The following SLC6A15 variants were observed in gnomAD, a reference collection of about 807,000 sequenced individuals.
SLC6A15 encodes solute carrier family 6 member 15.
A neutral mutation model predicts 68.5 loss-of-function variants in SLC6A15; 33 were observed. The ratio of observed to expected loss-of-function variants is 0.48; its 90% confidence interval spans 0.37 to 0.64. The LOEUF (loss-of-function observed/expected upper bound fraction) is 0.64, where lower values mean the gene tolerates loss of function less well. Among genes scored for constraint, SLC6A15 ranks in the 30% least tolerant of loss-of-function variants. SLC6A15 has a pLI of 0.00. For synonymous variants in SLC6A15, 347 were observed against 301.0 expected (o/e 1.15, Z -1.58); for missense variants, 747 against 874.3 (o/e 0.85, Z 1.84).
intron 5 of SLC6A15, chr12:84,882,427 A>C (rs1472950981): frequency 1.0e-6 from 1 of 969,474 alleles, no homozygotes; most frequent in Non-Finnish European, 1.2e-6. Flanking sequence ...CAAATTCAAA[A>C]GACAAAATGA....
chr12:84,889,497 A>AAAAAATAAAAATAAAAATAAAAAT (rs534377256), intron 2 of SLC6A15, among the ~76,000 whole-genome samples: 2 of 146,866 alleles, frequency 1.4e-5, no homozygotes, highest in African/African-American at 2.6e-5. Flanking sequence ...CGGTCTCAGA[A>AAAAAATAAAAATAAAAATAAAAAT]AAAAATAAAA....
rs1565736492 is a variant in SLC6A15 at position 84,910,927 on chromosome 12, C to CTCTCTCTCTCTCTCTCTCTCTCT, written c.-189+1595_-189+1596insAGAGAGAGAGAGAGAGAGAGAGA. The stretch of plus-strand genomic sequence containing the variant: ...AATTTGCTGTTGAGCCGCCCTCTTT[C>CTCTCTCTCTCTCTCTCTCTCTCT]CGTGTGTGTGTGTGTGTGTGTGTGT... On this transcript the variant is annotated intron_variant, in intron 1 of 11. Coordinates refer to ENST00000266682, the MANE Select transcript of SLC6A15 (RefSeq NM_182767.6). 1.2e-4 allele frequency among the ~76,000 whole-genome samples: 15 copies of CTCTCTCTCTCTCTCTCTCTCTCT among 129,054 alleles called. 1 individual carries two copies. Among genetic ancestry groups the CTCTCTCTCTCTCTCTCTCTCTCT allele is most frequent in the African/African-American group, 4.7e-4 (12 of 25,500 alleles). The allele number at this position is 129,054 out of a possible 152,430, so 84.7% of individuals were successfully genotyped here.
intron 5 of SLC6A15, chr12:84,880,935 C>T: frequency 1.0e-6 from 1 of 958,838 alleles, no homozygotes; most frequent in Non-Finnish European, 1.2e-6. Flanking sequence ...TTAGCCCTGT[C>T]TATCATGTAT....
intron 5 of SLC6A15, chr12:84,883,277 C>T (rs148719510): frequency 1.0e-6 from 1 of 985,456 alleles, no homozygotes; most frequent in Non-Finnish European, 1.2e-6. Flanking sequence ...TAAACCACAA[C>T]CATTCTAATT....
intron 6 of SLC6A15, among the ~76,000 whole-genome samples, chr12:84,874,250 A>G (rs1006514151): frequency 6.6e-6 from 1 of 151,332 alleles, no homozygotes; most frequent in African/African-American, 2.5e-5. Flanking sequence ...ACAATGGCAA[A>G]TGGCGTGTCC....
rs190313852 is a variant in SLC6A15 at position 84,872,484 on chromosome 12, G to C, written c.1302+118C>G. ...ACTTATAATGCCCAGGAGCTTCTCCGGGCATTTTAAGAGCTTCTTCGGGCA... is the reference window on the plus strand; with the variant it reads ...ACTTATAATGCCCAGGAGCTTCTCCCGGCATTTTAAGAGCTTCTTCGGGCA... On this transcript the variant is annotated intron_variant, in intron 8 of 11. Coordinates refer to ENST00000266682, the MANE Select transcript of SLC6A15 (RefSeq NM_182767.6). 4,601 of 641,202 alleles carry C rather than the reference G, an allele frequency of 7.2e-3. 24 individuals are homozygous for C. The highest frequency in any genetic ancestry group is 9.5e-3 in the Non-Finnish European group (3,747 of 394,222). 39.7% of individuals were successfully genotyped at this position (641,202 alleles called of 1,614,324 possible).
At chr12:84,908,586 CA>C (rs1873284304) in intron 1 of SLC6A15, among the ~76,000 whole-genome samples, 1 of 134,326 alleles carries the variant, frequency 7.4e-6, no homozygotes, top group Non-Finnish European at 1.5e-5. Context: ...TATTAAAGGG[CA>C]AAGAGTAAAG....
chr12:84,874,066 A>T (rs1871407989), intron 6 of SLC6A15, among the ~76,000 whole-genome samples: 1 of 152,220 alleles, frequency 6.6e-6, no homozygotes, highest in Admixed American at 6.5e-5. Flanking sequence ...GATCTTAATA[A>T]ACAGTTCCTT....
chr12:84,886,556 C>A (rs1273280756), intron 2 of SLC6A15, among the ~76,000 whole-genome samples: 2 of 147,086 alleles, frequency 1.4e-5, no homozygotes. Flanking sequence ...AAAATAACAT[C>A]ATGGAAGAAG....
At chr12:84,892,458 T>C in intron 1 of SLC6A15, 150 bp from the exon 2 acceptor site, 1 of 177,412 alleles carries the variant, frequency 5.6e-6, no homozygotes, top group African/African-American at 2.4e-5. Flanking sequence ...AATATTCCCG[T>C]AAGTATAAGA....
At chr12:84,889,951 C>CT (rs1872313925) in intron 2 of SLC6A15, among the ~76,000 whole-genome samples, 1 of 151,938 alleles carries the variant, frequency 6.6e-6, no homozygotes, top group African/African-American at 2.4e-5. Flanking sequence ...ACTCTATTAC[C>CT]TTTTTTTTCT....
chr12:84,878,166 A>T (rs1871646403), intron 5 of SLC6A15, among the ~76,000 whole-genome samples: 2 of 152,360 alleles, frequency 1.3e-5, no homozygotes, highest in South Asian at 4.1e-4. Flanking sequence ...AAATATGGAT[A>T]AAATGCCAGC....
At position 84,891,845 on chromosome 12, in the gene SLC6A15, C is replaced by G. The variant is rs199930176; in HGVS notation, c.276G>C (p.Gln92His). The change falls in exon 2 of 12, where the codon CAG becomes CAC. Residue 92 changes from glutamine (Q) to histidine (H), a missense_variant. By Grantham distance (24) the Gln-to-His change is conservative. Transcript: ENST00000266682. ...GNVWRFPYLC[Q>H]KNGGGAYLLP... ...AAGATTACTTACCGCCCCCATTCTT[C>G]TGACATAGGTATGGAAATCGCCACA... 6 of 1,611,592 alleles carry G rather than the reference C, an allele frequency of 3.7e-6. No homozygotes were observed. Among genetic ancestry groups the G allele is most frequent in the African/African-American group, 1.3e-5 (1 of 74,948 alleles).
At chr12:84,876,658 A>G in intron 5 of SLC6A15, 51 bp from the exon 6 acceptor site, 3 of 830,838 alleles carry the variant, frequency 3.6e-6, no homozygotes, top group Admixed American at 2.6e-5. Context: ...CCATTTTTTT[A>G]TAGATAAGAT....
At chr12:84,889,043 T>C (rs982793899) in intron 2 of SLC6A15, among the ~76,000 whole-genome samples, 2 of 152,178 alleles carry the variant, frequency 1.3e-5, no homozygotes, top group African/African-American at 4.8e-5. Flanking sequence ...TCCTGTTTCA[T>C]ATCCAGGAGG....
chr12:84,862,598 T>C (rs779611619), intron 11 of SLC6A15, among the ~76,000 whole-genome samples: 1 of 152,170 alleles, frequency 6.6e-6, no homozygotes, highest in Non-Finnish European at 1.5e-5. Flanking sequence ...ACTTTTATTT[T>C]ATAACAGCTG....
chr12:84,885,356 GA>G (rs1382955427), intron 4 of SLC6A15, 78 bp downstream of exon 4: 26 of 1,310,568 alleles, frequency 2.0e-5, no homozygotes, highest in Middle Eastern at 2.3e-4. Flanking sequence ...ATTTTAAAAA[GA>G]AAAAAATCTT....
chr12:84,888,262 G>GAA lies in SLC6A15; in HGVS notation c.290-2196_290-2195dup, dbSNP rs35670280. Among the ~76,000 whole-genome samples, 113 of 109,448 alleles carry GAA rather than the reference G, an allele frequency of 1.0e-3. 1 individual carries two copies. The highest frequency in any genetic ancestry group is 1.2e-3 in the Non-Finnish European group (61 of 52,402). 71.8% of individuals were successfully genotyped at this position (109,448 alleles called of 152,430 possible). ...CTCGGTGACAGAGTGAGACCTTGTC[G>GAA]AAAAAAAAAAAAAAGCCAAAAACAA... On this transcript the variant is annotated intron_variant, in intron 2 of 11. Coordinates refer to ENST00000266682, the MANE Select transcript of SLC6A15 (RefSeq NM_182767.6).
rs1395103593 is a variant in SLC6A15 at position 84,891,872 on chromosome 12, A to G, written c.249T>C (p.Asn83=). The change falls in exon 2 of 12, where the codon AAT becomes AAC. Residue 83 remains asparagine, a synonymous_variant. Transcript: ENST00000266682. The part of the protein sequence containing the change: ...AQVGFSVGLG[N]VWRFPYLCQK... ...GACATAGGTATGGAAATCGCCACACATTTCCTAAACCTACAGAAAATCCAA... is the reference window on the plus strand; with the variant it reads ...GACATAGGTATGGAAATCGCCACACGTTTCCTAAACCTACAGAAAATCCAA... 1.2e-6 allele frequency: 2 copies of G among 1,613,900 alleles called. No individual in the cohort carries two copies. Among genetic ancestry groups the G allele is most frequent in the East Asian group, 2.2e-5 (1 of 44,842 alleles).
Sources: allele counts gnomAD v4.1 joint callset (sites outside exome capture counted in the v4.1 genomes callset), GRCh38; gene constraint gnomAD v4.1.1; transcripts MANE v1.5; gene names NCBI Gene and HGNC (gene_info 2026-07-23, HGNC 2026-07-21).